The following HPCAL1 variants were observed in gnomAD, a reference collection of about 807,000 sequenced individuals.
The protein encoded by HPCAL1 is hippocalcin like 1.
A neutral mutation model predicts 17.1 loss-of-function variants in HPCAL1; 8 were observed. That is an observed-to-expected ratio of 0.47 (90% CI 0.27 to 0.84). HPCAL1 has a LOEUF of 0.84. Ranked by LOEUF, HPCAL1 falls within the 40% of genes least tolerant of loss-of-function variation. HPCAL1 has a pLI of 0.13. For synonymous variants in HPCAL1, 112 were observed against 111.4 expected (o/e 1.01, Z -0.03); for missense variants, 165 against 271.1 (o/e 0.61, Z 2.75).
chr2:10,311,156 T>TC (rs1662936341), intron 1 of HPCAL1, among the ~76,000 whole-genome samples: 1 of 152,094 alleles, frequency 6.6e-6, no homozygotes, highest in Non-Finnish European at 1.5e-5. Flanking sequence ...GAACTGGTTG[T>TC]CCCCCCGCCC....
At position 10,406,418 on chromosome 2, in the gene HPCAL1, C is replaced by CA. The variant is rs1669972908; in HGVS notation, c.-25+9500dup. 3.3e-5 allele frequency: 5 copies of CA among 152,424 alleles called. No homozygotes were observed. The South Asian group carries it at 1.0e-3, about 32-fold the overall frequency. 9.4% of individuals were successfully genotyped at this position (152,424 alleles called of 1,614,324 possible). Reference sequence around the variant, plus strand: ...CATGGGCGTGTGTGGGGGGTCACTTCAAGGAGCCCCAGGAAGGGTCTGTGT... The same window carrying CA: ...CATGGGCGTGTGTGGGGGGTCACTTCAAAGGAGCCCCAGGAAGGGTCTGTGT... On this transcript the variant is annotated intron_variant, in intron 2 of 4. Coordinates refer to ENST00000307845, the MANE Select transcript of HPCAL1 (RefSeq NM_002149.4).
intron 1 of HPCAL1, among the ~76,000 whole-genome samples, chr2:10,348,287 A>G (rs1451084489): frequency 2.6e-5 from 4 of 152,110 alleles, no homozygotes; most frequent in African/African-American, 9.7e-5. Context: ...CATCTCTACT[A>G]AAAATACAAA....
At position 10,367,243 on chromosome 2, in the gene HPCAL1, G is replaced by A. The variant is rs1372006365; in HGVS notation, c.-110-29592G>A. Reference sequence around the variant, plus strand: ...ACAGTTAGATATTTAATATACAGATGACGGGCGGATGGTAGTGTTGTTTTA... The same window carrying A: ...ACAGTTAGATATTTAATATACAGATAACGGGCGGATGGTAGTGTTGTTTTA... On this transcript the variant is annotated intron_variant, in intron 1 of 4. Transcript: ENST00000307845. The surrounding 1 kb of genome is among the most constrained non-coding windows in gnomAD (Gnocchi z 4.4). Among the ~76,000 whole-genome samples the A allele has an allele frequency of 6.6e-6, 1 of 151,934 alleles. No homozygotes were observed. The highest frequency in any genetic ancestry group is 1.5e-5 in the Non-Finnish European group (1 of 68,002).
chr2:10,392,369 G>A (rs1165265395), intron 1 of HPCAL1, among the ~76,000 whole-genome samples: 1 of 152,202 alleles, frequency 6.6e-6, no homozygotes, highest in Non-Finnish European at 1.5e-5. Flanking sequence ...AATATTTGTA[G>A]AATTCAGTAG....
chr2:10,399,109 G>A (rs555658632), intron 2 of HPCAL1, among the ~76,000 whole-genome samples: 121 of 151,772 alleles, frequency 8.0e-4, no homozygotes, highest in African/African-American at 2.9e-3. Context: ...TGGAGCAGGC[G>A]AAGAGATCAG....
At chr2:10,315,034 G>A (rs1453594790) in intron 1 of HPCAL1, among the ~76,000 whole-genome samples, 1 of 152,184 alleles carries the variant, frequency 6.6e-6, no homozygotes, top group Non-Finnish European at 1.5e-5. Context: ...GCTCACGCCT[G>A]TAATCCCAGC....
chr2:10,318,194 C>T (rs1443941032), intron 1 of HPCAL1, among the ~76,000 whole-genome samples: 1 of 152,070 alleles, frequency 6.6e-6, no homozygotes, highest in Non-Finnish European at 1.5e-5. Flanking sequence ...ATTGACAAGT[C>T]TTTCTCCTTT....
At position 10,338,655 on chromosome 2, in the gene HPCAL1, C is replaced by A. The variant is rs947487579; in HGVS notation, c.-111+35478C>A. Among the ~76,000 whole-genome samples, 4 of 152,210 alleles carry A rather than the reference C, an allele frequency of 2.6e-5. 1 individual carries two copies. The South Asian group carries it at 8.3e-4, about 32-fold the overall frequency. On this transcript the variant is annotated intron_variant, in intron 1 of 4. Coordinates refer to ENST00000307845, the MANE Select transcript of HPCAL1 (RefSeq NM_002149.4). ...CACAGTCCTGAGTTATGGTGCAGAC[C>A]CCACATGCACCCAGAGTCAGCTTGG... is the stretch of plus-strand genomic sequence containing the variant.
chr2:10,421,467 G>T (rs565022291), intron 3 of HPCAL1, among the ~76,000 whole-genome samples: 1 of 152,166 alleles, frequency 6.6e-6, no homozygotes, highest in Non-Finnish European at 1.5e-5. Flanking sequence ...TTGGGTGGCC[G>T]AGGCTGGAGG....
chr2:10,306,624 A>G (rs185363316), intron 1 of HPCAL1, among the ~76,000 whole-genome samples: 33 of 152,276 alleles, frequency 2.2e-4, no homozygotes, highest in Admixed American at 2.0e-3. Context: ...GTTTCTTCAA[A>G]TCACTTTCTA....
At chr2:10,350,520 T>C (rs6723802) in intron 1 of HPCAL1, among the ~76,000 whole-genome samples, 112,758 of 151,800 alleles carry the variant, frequency 0.74, 42,109 homozygotes, top group East Asian at 0.98. Context: ...CCATATTGCC[T>C]TGGCTGGTCT....
In HPCAL1 at chr2:10,395,299, A is replaced by C. The variant is rs1201218250; in HGVS notation, c.-110-1536A>C. Among the ~76,000 whole-genome samples the C allele has an allele frequency of 1.3e-5, 2 of 152,266 alleles. No homozygotes were observed. Among genetic ancestry groups the C allele is most frequent in the Non-Finnish European group, 2.9e-5 (2 of 68,028 alleles). Reference sequence around the variant, plus strand: ...ATTCTATATTTGGGAAACAGTAGAAATTTAACTCTGAGCAAGATACACCCT... The same window carrying C: ...ATTCTATATTTGGGAAACAGTAGAACTTTAACTCTGAGCAAGATACACCCT... On this transcript the variant is annotated intron_variant, in intron 1 of 4. Transcript: ENST00000307845. The surrounding 1 kb of genome is among the most constrained non-coding windows in gnomAD (Gnocchi z 4.4).
At chr2:10,383,804 G>A (rs1380259499) in intron 1 of HPCAL1, among the ~76,000 whole-genome samples, 3 of 152,114 alleles carry the variant, frequency 2.0e-5, no homozygotes, top group Non-Finnish European at 4.4e-5. Flanking sequence ...TGGTGTGTGC[G>A]GGGAAGGGGG....
intron 1 of HPCAL1, among the ~76,000 whole-genome samples, chr2:10,322,248 C>T (rs1260652752): frequency 6.6e-6 from 1 of 152,130 alleles, no homozygotes; most frequent in Non-Finnish European, 1.5e-5. Context: ...GTCTTGAACT[C>T]CTGGGCTTAA....
intron 2 of HPCAL1, among the ~76,000 whole-genome samples, chr2:10,403,973 C>T (rs1669807576): frequency 6.6e-6 from 1 of 152,128 alleles, no homozygotes; most frequent in African/African-American, 2.4e-5. Context: ...GCTGCCTCTC[C>T]TCCCCATACC....
intron 1 of HPCAL1, among the ~76,000 whole-genome samples, chr2:10,337,049 G>A (rs1167796832): frequency 6.6e-6 from 1 of 152,124 alleles, no homozygotes; most frequent in Non-Finnish European, 1.5e-5. Context: ...CACTGGACCC[G>A]GCAGGAACAA....
At chr2:10,334,703 T>TTTTTTTTTTTTTTTAGGCG (rs1664607934) in intron 1 of HPCAL1, among the ~76,000 whole-genome samples, 1 of 151,378 alleles carries the variant, frequency 6.6e-6, no homozygotes, top group African/African-American at 2.4e-5. Context: ...GACTTTTTTT[T>TTTTTTTTTTTTTTTAGGCG]GAGGCAGGGT....
chr2:10,423,128 G>T lies in HPCAL1; in HGVS notation c.484+40G>T. ...GGGCGGGGCTGCATGTGTACGCCAC[G>T]GTAGGGGCAAAACCATGTGGTTTGG... is the stretch of plus-strand genomic sequence containing the variant. On this transcript the variant is annotated intron_variant, in intron 4 of 4. Transcript: ENST00000307845. 4.8e-6 allele frequency: 7 copies of T among 1,448,460 alleles called. No individual in the cohort carries two copies. In the South Asian group the frequency reaches 6.9e-5, roughly 14 times the overall value. 89.7% of individuals were successfully genotyped at this position (1,448,460 alleles called of 1,614,324 possible). A position where few individuals can be genotyped will look rare whatever the true frequency, so the allele number is the denominator to read the frequency against.
chr2:10,309,581 A>G (rs939186279), intron 1 of HPCAL1, among the ~76,000 whole-genome samples: 2 of 152,168 alleles, frequency 1.3e-5, no homozygotes, highest in South Asian at 2.1e-4. Flanking sequence ...TGTGTGACAC[A>G]TGTTCACACA....
Sources: gnomAD v4.1 joint callset for allele counts (sites outside exome capture counted in the v4.1 genomes callset) on GRCh38, gnomAD v4.1.1 for gene constraint, Gnocchi (gnomAD v3.1) non-coding constraint, MANE v1.5 for transcripts, NCBI Gene and HGNC (gene_info 2026-07-23, HGNC 2026-07-21) for gene names.